PCDH15: variants seen among roughly 807,000 people sequenced by gnomAD.
The protein encoded by PCDH15 is protocadherin related 15.
A neutral mutation model predicts 178.5 loss-of-function variants in PCDH15; 129 were observed. The ratio of observed to expected loss-of-function variants is 0.72; its 90% CI spans 0.63 to 0.84. The LOEUF (loss-of-function observed/expected upper bound fraction) is 0.84. Among genes scored for constraint, PCDH15 ranks in the 40% least tolerant of loss-of-function variants. The pLI is 0.00. For missense variants in PCDH15, 2,230 were observed against 2,099.9 expected (o/e 1.06, Z -1.21); for synonymous variants, 800 against 732.0 (o/e 1.09, Z -1.50).
At chr10:55,490,319 C>T (rs940022000) in intron 2 of PCDH15, among the ~76,000 whole-genome samples, 1 of 151,710 alleles carries the variant, frequency 6.6e-6, no homozygotes, top group African/African-American at 2.4e-5. Flanking sequence ...TATAAAGAGA[C>T]AGAGTTCCAC....
intron 1 of PCDH15, among the ~76,000 whole-genome samples, chr10:54,765,650 C>A (rs2133200905): frequency 6.6e-6 from 1 of 152,228 alleles, no homozygotes; most frequent in Non-Finnish European, 1.5e-5. Context: ...ATGTGCCATT[C>A]TTTATGCAAA....
At chr10:54,544,064 C>A (rs1810997370) in intron 2 of PCDH15, among the ~76,000 whole-genome samples, 1 of 152,156 alleles carries the variant, frequency 6.6e-6, no homozygotes, top group African/African-American at 2.4e-5. Context: ...TCTATTTTGA[C>A]TTCAACAATC....
chr10:54,909,227 G>A (rs557339295), intron 2 of PCDH15, among the ~76,000 whole-genome samples: 2 of 152,266 alleles, frequency 1.3e-5, no homozygotes, highest in South Asian at 2.1e-4. Flanking sequence ...CCAGGCTTCA[G>A]GCCTTCCCTG....
At chr10:54,974,118 T>C (rs1291175319) in intron 2 of PCDH15, among the ~76,000 whole-genome samples, 3 of 143,388 alleles carry the variant, frequency 2.1e-5, no homozygotes, top group Non-Finnish European at 3.1e-5. Flanking sequence ...CACACACACA[T>C]ACAGATAATA....
At chr10:54,011,286 G>A (rs1430193856) in intron 20 of PCDH15, among the ~76,000 whole-genome samples, 1 of 152,194 alleles carries the variant, frequency 6.6e-6, no homozygotes, top group Non-Finnish European at 1.5e-5. Flanking sequence ...CCTCCAGACA[G>A]CTGCATCACC....
intron 2 of PCDH15, among the ~76,000 whole-genome samples, chr10:55,101,296 C>G (rs549051307): frequency 2.6e-5 from 4 of 151,966 alleles, no homozygotes; most frequent in African/African-American, 9.7e-5. Flanking sequence ...GTGGCAGAAT[C>G]GCTTGAACTC....
At chr10:54,930,069 G>A (rs1837732536) in intron 2 of PCDH15, among the ~76,000 whole-genome samples, 1 of 152,150 alleles carries the variant, frequency 6.6e-6, no homozygotes, top group Non-Finnish European at 1.5e-5. Flanking sequence ...TGGCAGCTGT[G>A]CCAATAGTAA....
intron 15 of PCDH15, among the ~76,000 whole-genome samples, chr10:54,109,477 G>T (rs2094975179): frequency 6.6e-6 from 1 of 152,158 alleles, no homozygotes; most frequent in Non-Finnish European, 1.5e-5. Context: ...ATCCACAATG[G>T]AGCATTATTC....
chr10:53,955,184 G>A (rs1033205090), intron 23 of PCDH15, among the ~76,000 whole-genome samples: 1 of 152,186 alleles, frequency 6.6e-6, no homozygotes, highest in Non-Finnish European at 1.5e-5. Flanking sequence ...ATCTCTAGAT[G>A]TGGACTTCTG....
chr10:55,078,809 T>G (rs2132023162), intron 2 of PCDH15, among the ~76,000 whole-genome samples: 1 of 151,954 alleles, frequency 6.6e-6, no homozygotes, highest in South Asian at 2.1e-4. Context: ...CAAAATCCAT[T>G]ATATCACTCT....
chr10:54,730,020 T>C (rs7911364), intron 1 of PCDH15, among the ~76,000 whole-genome samples: 132,551 of 151,482 alleles, frequency 0.88, 58,643 homozygotes, highest in Middle Eastern at 0.93. Context: ...AATAGAACAA[T>C]CATTCAACCC....
At chr10:53,931,533 C>T (rs770882012) in intron 25 of PCDH15, among the ~76,000 whole-genome samples, 15 of 152,082 alleles carry the variant, frequency 9.9e-5, no homozygotes, top group Non-Finnish European at 1.5e-4. Flanking sequence ...AGACTAAATC[C>T]ATTTTAACAA....
At chr10:54,503,676 C>A (rs985443600) in intron 3 of PCDH15, among the ~76,000 whole-genome samples, 1 of 151,856 alleles carries the variant, frequency 6.6e-6, no homozygotes, top group African/African-American at 2.4e-5. Context: ...ATCAGGCTGG[C>A]AAAATCATGG....
At chr10:54,770,772 T>G (rs921029477) in intron 1 of PCDH15, among the ~76,000 whole-genome samples, 1 of 152,006 alleles carries the variant, frequency 6.6e-6, no homozygotes, top group Non-Finnish European at 1.5e-5. Context: ...ATGAAGTTAC[T>G]TAATCTCAAC....
At chr10:53,866,386 A>T (rs2079450203) in intron 27 of PCDH15, among the ~76,000 whole-genome samples, 1 of 151,318 alleles carries the variant, frequency 6.6e-6, no homozygotes. Flanking sequence ...ATATTTTTTC[A>T]AATATTATAA....
intron 2 of PCDH15, among the ~76,000 whole-genome samples, chr10:55,615,453 A>G (rs1020647516): frequency 2.0e-5 from 3 of 152,216 alleles, no homozygotes; most frequent in East Asian, 3.8e-4. Context: ...CACACAGTAT[A>G]AAACAGCAAT....
chr10:54,458,394 A>C (rs1024029165), intron 3 of PCDH15, among the ~76,000 whole-genome samples: 35 of 152,182 alleles, frequency 2.3e-4, no homozygotes, highest in African/African-American at 8.4e-4. Context: ...TTAATATATA[A>C]AGCCTTTCAC....
chr10:55,056,217 GAAC>G (rs989214318), intron 2 of PCDH15, among the ~76,000 whole-genome samples: 52 of 152,132 alleles, frequency 3.4e-4, no homozygotes, highest in African/African-American at 1.2e-3. Context: ...AAAAATAAAT[GAAC>G]AACAACACCA....
chr10:53,806,866 C>G lies in PCDH15; in HGVS notation c.4936G>C (p.Glu1646Gln), dbSNP rs1841204380. ...AATGTGTTCAGAGGTACATTCTCCT[C>G]ATGTGTCACTGCCAACTTGTCTAGT... is the stretch of plus-strand genomic sequence containing the variant. Reference protein sequence around the residue: ...KKLDKLAVTHEENVPLNTLSK... With the variant: ...KKLDKLAVTHQENVPLNTLSK... The change falls in exon 38 of 38, where the codon GAG becomes CAG. Residue 1646 changes from glutamate (E) to glutamine (Q), a missense_variant. Transcript: ENST00000644397. The G allele has an allele frequency of 6.2e-7, 1 of 1,613,918 alleles. No individual in the cohort carries two copies. Among genetic ancestry groups the G allele is most frequent in the South Asian group, 1.1e-5 (1 of 91,080 alleles).
Sources: allele counts gnomAD v4.1 joint callset (sites outside exome capture counted in the v4.1 genomes callset), GRCh38; gene constraint gnomAD v4.1.1; transcripts MANE v1.5; gene names NCBI Gene and HGNC (gene_info 2026-07-23, HGNC 2026-07-21).